The following SQLE variants were observed in gnomAD, a reference collection of about 807,000 sequenced individuals.
SQLE encodes the protein squalene monooxygenase.
SQLE carries 29 observed loss-of-function variants against 60.7 expected under a neutral mutation model. The ratio of observed to expected loss-of-function variants is 0.48; its 90% CI spans 0.36 to 0.65. The LOEUF is 0.65. SQLE is among the 30% of genes least tolerant of loss of function. The pLI is 0.00. For missense variants in SQLE, 605 were observed against 684.1 expected (o/e 0.88, Z 1.29); for synonymous variants, 237 against 246.8 (o/e 0.96, Z 0.37).
In SQLE at chr8:124,998,599, G is replaced by C. The variant is rs1464283064; in HGVS notation, c.-805G>C. The C allele has an allele frequency of 1.5e-6, 1 of 686,136 alleles. No individual in the cohort carries two copies. The highest frequency in any genetic ancestry group is 2.6e-6 in the Non-Finnish European group (1 of 377,470). The allele number at this position is 686,136 out of a possible 1,614,324, so 42.5% of individuals were successfully genotyped here. ...CTGGCGAGAGCCGCCGCCCGCGAGG[G>C]ATGCTGGTGAGGAAGCCGTCGGGAG... On this transcript the variant is annotated 5_prime_UTR_variant, in exon 1 of 11. Coordinates refer to ENST00000265896, the MANE Select transcript of SQLE (RefSeq NM_003129.4).
chr8:125,017,968 T>C, intron 7 of SQLE, 91 bp from the exon 8 acceptor site: 4 of 1,376,444 alleles, frequency 2.9e-6, no homozygotes, highest in Non-Finnish European at 4.0e-6. Flanking sequence ...TATTATTAGC[T>C]TACATCAGTA....
chr8:125,009,714 G>C (rs1220210035), intron 6 of SQLE, among the ~76,000 whole-genome samples: 1 of 151,834 alleles, frequency 6.6e-6, no homozygotes, highest in African/African-American at 2.4e-5. Context: ...AGAATCGCTT[G>C]AACGGGAGGC....
intron 6 of SQLE, among the ~76,000 whole-genome samples, chr8:125,010,704 A>T (rs1815025420): frequency 6.6e-6 from 1 of 152,164 alleles, no homozygotes. Flanking sequence ...ATGAATATTT[A>T]TGAAAAGGGT....
chr8:125,018,593 A>G (rs1389573791), intron 8 of SQLE, 38 bp from the exon 9 acceptor site: 3 of 1,410,208 alleles, frequency 2.1e-6, no homozygotes, highest in Admixed American at 4.2e-5. Flanking sequence ...GTGCTTTTTT[A>G]TCCTTACCAT....
chr8:125,000,663 A>G (rs1814829322), intron 1 of SQLE, among the ~76,000 whole-genome samples: 1 of 151,806 alleles, frequency 6.6e-6, no homozygotes, highest in Non-Finnish European at 1.5e-5. Flanking sequence ...CATGTTGGCC[A>G]GGCTGGTCTC....
chr8:125,010,415 T>TA (rs1588114129), intron 6 of SQLE, among the ~76,000 whole-genome samples: 2 of 152,314 alleles, frequency 1.3e-5, no homozygotes, highest in East Asian at 3.9e-4. Flanking sequence ...AGAATTTTGA[T>TA]AAAATTGAAG....
In SQLE at chr8:125,020,852, C is replaced by T; in HGVS notation, c.1513C>T (p.Pro505Ser). The T allele has an allele frequency of 6.2e-7, 1 of 1,613,274 alleles. No individual in the cohort carries two copies. The highest frequency in any genetic ancestry group is 8.5e-7 in the Non-Finnish European group (1 of 1,179,446). The stretch of plus-strand genomic sequence containing the variant: ...ACTTGGTGGCGAATGTGTTGCGGGT[C>T]CTGTTGGGCTGCTTTCTGTGTAAGT... ...FKLGGECVAG[P>S]VGLLSVLSPN... The change falls in exon 10 of 11, where the codon CCT becomes TCT. Residue 505 changes from proline (P) to serine (S), a missense_variant. By Grantham distance (74) the Pro-to-Ser change is moderately conservative (BLOSUM62 -1). Transcript: ENST00000265896.
Position 125,007,431 on chromosome 8 carries a change from G to A in SQLE, c.766G>A (p.Glu256Lys), listed in dbSNP as rs533501431. ...IEGVVLQLLE[E>K]DDVVMGVQYK... ...AGGTGTTGTGTTACAGTTATTAGAG[G>A]AAGATGATGTTGTGATGGGAGTTCA... The change falls in exon 4 of 11, where the codon GAA becomes AAA. Residue 256 changes from glutamate to lysine, a missense_variant. By Grantham distance (56) the Glu-to-Lys change is moderately conservative. Coordinates refer to ENST00000265896, the MANE Select transcript of SQLE (RefSeq NM_003129.4). The A allele has an allele frequency of 1.3e-5, 21 of 1,557,030 alleles. No homozygotes were observed. In the East Asian group the frequency reaches 4.8e-4, roughly 35 times the overall value.
chr8:125,013,592 A>G (rs947601819), intron 7 of SQLE, among the ~76,000 whole-genome samples: 1 of 152,080 alleles, frequency 6.6e-6, no homozygotes, highest in Non-Finnish European at 1.5e-5. Flanking sequence ...ACCTCAGGTG[A>G]TCCACCCACC....
intron 10 of SQLE, 110 bp from the exon 11 acceptor site, chr8:125,021,643 G>GT: frequency 1.3e-6 from 1 of 742,658 alleles, no homozygotes. Context: ...TGATGCTTGG[G>GT]TAAAAAAAAG....
intron 1 of SQLE, among the ~76,000 whole-genome samples, chr8:125,002,525 A>C (rs1293386299): frequency 6.6e-6 from 1 of 152,108 alleles, no homozygotes; most frequent in Admixed American, 6.5e-5. Flanking sequence ...TAAAAATACA[A>C]AATTAGCCGG....
chr8:125,021,659 T>G, intron 10 of SQLE, 94 bp from the exon 11 acceptor site: 1 of 864,354 alleles, frequency 1.2e-6, no homozygotes, highest in Non-Finnish European at 1.7e-6. Flanking sequence ...AAAAGTAGGA[T>G]GTTTGTTGAG....
chr8:125,006,113 C>T (rs969297959), intron 3 of SQLE, among the ~76,000 whole-genome samples: 1 of 152,138 alleles, frequency 6.6e-6, no homozygotes, highest in Non-Finnish European at 1.5e-5. Flanking sequence ...CACTAAAGAC[C>T]CAGTCTGTTA....
At chr8:125,010,407 A>G (rs1815020212) in intron 6 of SQLE, among the ~76,000 whole-genome samples, 1 of 152,200 alleles carries the variant, frequency 6.6e-6, no homozygotes, top group Admixed American at 6.5e-5. Flanking sequence ...AAAATTTAAG[A>G]ATTTTGATAA....
intron 6 of SQLE, among the ~76,000 whole-genome samples, chr8:125,009,951 G>A (rs1815015420): frequency 6.6e-6 from 1 of 152,092 alleles, no homozygotes; most frequent in Admixed American, 6.5e-5. Flanking sequence ...TTTTGTGCTT[G>A]GTTTTTGTAG....
chr8:125,011,391 TAG>T, intron 6 of SQLE, 144 bp from the exon 7 acceptor site: 1 of 525,622 alleles, frequency 1.9e-6, no homozygotes, highest in Middle Eastern at 3.0e-4. Context: ...ATGAAATAAT[TAG>T]TTCTTGATTT....
At chr8:125,013,862 CT>C (rs1394264825) in intron 7 of SQLE, among the ~76,000 whole-genome samples, 1 of 152,068 alleles carries the variant, frequency 6.6e-6, no homozygotes, top group Non-Finnish European at 1.5e-5. Flanking sequence ...TCAAAATTCC[CT>C]TGACTGAAAG....
intron 9 of SQLE, among the ~76,000 whole-genome samples, chr8:125,019,423 A>G (rs1168289242): frequency 6.6e-6 from 1 of 152,082 alleles, no homozygotes; most frequent in African/African-American, 2.4e-5. Flanking sequence ...CATCTCTACA[A>G]AAAATTAAAA....
intron 1 of SQLE, 104 bp from the exon 2 acceptor site, chr8:125,003,072 T>C: frequency 9.4e-7 from 1 of 1,063,672 alleles, no homozygotes; most frequent in Non-Finnish European, 1.3e-6. Context: ...ATTTAGTATC[T>C]AGCTTTAGCC....
Sources: gnomAD v4.1 joint callset for allele counts (sites outside exome capture counted in the v4.1 genomes callset) on GRCh38, gnomAD v4.1.1 for gene constraint, MANE v1.5 for transcripts, NCBI Gene and HGNC (gene_info 2026-07-23, HGNC 2026-07-21) for gene names.